CMSS1: variants seen among roughly 807,000 people sequenced by gnomAD.
CMSS1 encodes the protein cms1 ribosomal small subunit homolog.
Under a neutral mutation model 43.5 loss-of-function variants are expected in CMSS1, and 33 were observed. That is an observed-to-expected ratio of 0.76 (90% CI 0.57 to 1.01). The LOEUF is 1.01. CMSS1 is among the 50% of genes least tolerant of loss of function. CMSS1 has a pLI of 0.00. For synonymous variants in CMSS1, 115 were observed against 117.2 expected, an observed-to-expected ratio of 0.98 and a Z score of 0.12; for missense variants, 313 against 326.4, an observed-to-expected ratio of 0.96 and a Z score of 0.32.
At chr3:100,037,201 G>A (rs2065122323) in intron 1 of CMSS1, among the ~76,000 whole-genome samples, 1 of 151,884 alleles carries the variant, frequency 6.6e-6, no homozygotes, top group Admixed American at 6.5e-5. Context: ...TGGAGTAAGT[G>A]AATTTCTTTA....
intron 1 of CMSS1, among the ~76,000 whole-genome samples, chr3:100,065,178 AG>A (rs2065643113): frequency 6.6e-6 from 1 of 152,176 alleles, no homozygotes. Context: ...GCGGGTTCCC[AG>A]GCCCCACCCC....
At chr3:99,963,285 A>T (rs767672938) in intron 1 of CMSS1, among the ~76,000 whole-genome samples, 8 of 152,216 alleles carry the variant, frequency 5.3e-5, no homozygotes, top group Non-Finnish European at 1.2e-4. Context: ...GACTGATCCC[A>T]TGTGGTGGAT....
At chr3:99,880,545 A>G (rs1433486199) in intron 1 of CMSS1, among the ~76,000 whole-genome samples, 1 of 152,202 alleles carries the variant, frequency 6.6e-6, no homozygotes, top group Non-Finnish European at 1.5e-5. Flanking sequence ...GAACAGTGAC[A>G]TATGTACCTT....
At chr3:99,938,086 CGCGCGT>C (rs1269852836) in intron 1 of CMSS1, among the ~76,000 whole-genome samples, 2 of 152,034 alleles carry the variant, frequency 1.3e-5, no homozygotes, top group East Asian at 1.9e-4. Context: ...CGCGCGCGCG[CGCGCGT>C]GCATGCACAC....
chr3:100,033,237 C>T (rs1169139426), intron 1 of CMSS1, among the ~76,000 whole-genome samples: 1 of 152,130 alleles, frequency 6.6e-6, no homozygotes, highest in Non-Finnish European at 1.5e-5. Context: ...GTTTATGTGT[C>T]CATTGACTGC....
intron 1 of CMSS1, among the ~76,000 whole-genome samples, chr3:99,837,881 C>G (rs1942965577): frequency 6.6e-6 from 1 of 152,198 alleles, no homozygotes; most frequent in African/African-American, 2.4e-5. Flanking sequence ...GTGGCTGGAC[C>G]TTGATCCCTT....
At chr3:100,043,918 A>C (rs113977953) in intron 1 of CMSS1, among the ~76,000 whole-genome samples, 15 of 152,224 alleles carry the variant, frequency 9.9e-5, no homozygotes, top group Non-Finnish European at 1.8e-4. Context: ...TAGATTCTAC[A>C]TAGAAATGAG....
At chr3:99,846,983 C>T (rs771860584) in intron 1 of CMSS1, among the ~76,000 whole-genome samples, 1 of 152,264 alleles carries the variant, frequency 6.6e-6, no homozygotes, top group South Asian at 2.1e-4. Context: ...GTTCTCTGCT[C>T]AGAAGTATGG....
chr3:99,911,927 TG>T (rs1276151912), intron 1 of CMSS1, among the ~76,000 whole-genome samples: 2 of 152,206 alleles, frequency 1.3e-5, no homozygotes, highest in African/African-American at 4.8e-5. Context: ...ATAACCAAAA[TG>T]TTCGTTCTCT....
chr3:99,953,105 G>A (rs1246377445), intron 1 of CMSS1, among the ~76,000 whole-genome samples: 1 of 152,132 alleles, frequency 6.6e-6, no homozygotes, highest in Non-Finnish European at 1.5e-5. Flanking sequence ...TTCATACTTA[G>A]CTGCATACTT....
chr3:100,065,649 G>C (rs1243356510), intron 1 of CMSS1, among the ~76,000 whole-genome samples: 1 of 151,492 alleles, frequency 6.6e-6, no homozygotes, highest in East Asian at 1.9e-4. Flanking sequence ...GTGCCCCATA[G>C]TTGTCACCAT....
At chr3:99,895,748 A>G (rs1706230163) in intron 1 of CMSS1, among the ~76,000 whole-genome samples, 1 of 152,104 alleles carries the variant, frequency 6.6e-6, no homozygotes, top group Non-Finnish European at 1.5e-5. Flanking sequence ...TCTTCCTTTT[A>G]ACTACTCTCC....
chr3:99,942,279 T>G (rs1219229051), intron 1 of CMSS1, among the ~76,000 whole-genome samples: 1 of 152,222 alleles, frequency 6.6e-6, no homozygotes, highest in Non-Finnish European at 1.5e-5. Flanking sequence ...ATGTGCTTTT[T>G]ATTTTTCCAG....
intron 1 of CMSS1, among the ~76,000 whole-genome samples, chr3:99,852,460 T>G (rs951268600): frequency 5.3e-5 from 8 of 152,126 alleles, no homozygotes; most frequent in Non-Finnish European, 8.8e-5. Context: ...TTTATTTTAT[T>G]TTTTGAAATT....
At chr3:100,111,308 T>C (rs561505642) in intron 1 of CMSS1, among the ~76,000 whole-genome samples, 2 of 152,292 alleles carry the variant, frequency 1.3e-5, no homozygotes, top group African/African-American at 4.8e-5. Flanking sequence ...TGAGTACTCA[T>C]GTTGAAAATG....
At chr3:99,821,094 A>G (rs1482750129) in intron 1 of CMSS1, among the ~76,000 whole-genome samples, 1 of 152,200 alleles carries the variant, frequency 6.6e-6, no homozygotes, top group Non-Finnish European at 1.5e-5. Flanking sequence ...AAGGAACTGT[A>G]CTATTTTTTG....
chr3:100,076,652 C>G (rs1292351257), intron 1 of CMSS1, among the ~76,000 whole-genome samples: 1 of 152,168 alleles, frequency 6.6e-6, no homozygotes, highest in East Asian at 1.9e-4. Flanking sequence ...TCACTGTGTA[C>G]TTTACTGTTC....
At chr3:99,987,387 G>A (rs1300289118) in intron 1 of CMSS1, among the ~76,000 whole-genome samples, 2 of 151,018 alleles carry the variant, frequency 1.3e-5, no homozygotes, top group Non-Finnish European at 2.9e-5. Context: ...AAATTAACGG[G>A]GTGTGGTGGC....
intron 1 of CMSS1, among the ~76,000 whole-genome samples, chr3:99,942,506 T>C (rs776432833): frequency 2.6e-5 from 4 of 152,206 alleles, no homozygotes; most frequent in Non-Finnish European, 5.9e-5. Context: ...AAGAAAGCAC[T>C]AGGCACATAT....
Sources: allele counts gnomAD v4.1 joint callset (sites outside exome capture counted in the v4.1 genomes callset), GRCh38; gene constraint gnomAD v4.1.1; transcripts MANE v1.5; gene names NCBI Gene and HGNC (gene_info 2026-07-23, HGNC 2026-07-21).